The following BABAM2 variants were observed in gnomAD, a reference collection of about 807,000 sequenced individuals.
The protein encoded by BABAM2 is BRISC and BRCA1 A complex member 2, also known as BRISC and BRCA1-A complex member 2.
A neutral mutation model predicts 54.7 loss-of-function variants in BABAM2; 31 were observed. The observed-to-expected ratio is 0.57, with a 90% CI of 0.43 to 0.77. The LOEUF is 0.77. BABAM2 is among the 30% of genes least tolerant of loss of function. The probability of loss-of-function intolerance (pLI) is 0.00; values close to 1 mark genes in which losing one functional copy is unlikely to be tolerated. For synonymous variants in BABAM2, 167 were observed against 162.9 expected, an observed-to-expected ratio of 1.03 and a Z score of -0.19; for missense variants, 364 against 455.8, an observed-to-expected ratio of 0.80 and a Z score of 1.83.
chr2:28,112,146 T>TTTCTTTCCCTCC (rs1344247281), intron 6 of BABAM2, among the ~76,000 whole-genome samples: 1 of 10,558 alleles, frequency 9.5e-5, no homozygotes, highest in African/African-American at 6.1e-4. Flanking sequence ...TCTTTCTTTC[T>TTTCTTTCCCTCC]TTACCTCCCT....
intron 6 of BABAM2, among the ~76,000 whole-genome samples, chr2:28,072,029 G>A (rs1447004129): frequency 6.6e-6 from 1 of 152,090 alleles, no homozygotes; most frequent in Non-Finnish European, 1.5e-5. Flanking sequence ...GATTCTGTTT[G>A]TTTTGTTTTG....
intron 3 of BABAM2, 105 bp from the exon 4 acceptor site, chr2:27,987,888 C>G: frequency 2.4e-6 from 2 of 848,014 alleles, no homozygotes. Context: ...AAATGGTTTT[C>G]TTAAACTAAT....
At chr2:28,045,202 T>G (rs943035805) in intron 5 of BABAM2, among the ~76,000 whole-genome samples, 1 of 152,176 alleles carries the variant, frequency 6.6e-6, no homozygotes, top group Non-Finnish European at 1.5e-5. Flanking sequence ...TTAATGATAA[T>G]GATATAGTGG....
At chr2:27,971,438 T>C (rs974566487) in intron 3 of BABAM2, among the ~76,000 whole-genome samples, 37 of 152,144 alleles carry the variant, frequency 2.4e-4, no homozygotes, top group Non-Finnish European at 2.9e-5. Flanking sequence ...TACTGTTTTT[T>C]TCCTATTGCT....
intron 3 of BABAM2, among the ~76,000 whole-genome samples, chr2:27,930,813 C>G (rs1668038598): frequency 6.6e-6 from 1 of 152,214 alleles, no homozygotes; most frequent in Non-Finnish European, 1.5e-5. Flanking sequence ...GTGTGGAAAT[C>G]ACAGTGGCTT....
intron 11 of BABAM2, among the ~76,000 whole-genome samples, chr2:28,318,307 T>C (rs544398545): frequency 2.0e-4 from 30 of 152,220 alleles, no homozygotes; most frequent in Non-Finnish European, 3.5e-4. Flanking sequence ...GCTGCCTGTT[T>C]TTATAAATAA....
intron 11 of BABAM2, among the ~76,000 whole-genome samples, chr2:28,316,433 T>TG: frequency 2.0e-4 from 1 of 4,970 alleles, no homozygotes; most frequent in East Asian, 8.8e-3. Flanking sequence ...GGGGTGGGGG[T>TG]GGGGGTGGGA....
intron 10 of BABAM2, among the ~76,000 whole-genome samples, chr2:28,259,970 G>A (rs548511659): frequency 3.3e-5 from 5 of 151,128 alleles, no homozygotes; most frequent in Non-Finnish European, 5.9e-5. Context: ...GCACGATCTC[G>A]GCTCACTGCA....
intron 7 of BABAM2, among the ~76,000 whole-genome samples, chr2:28,129,896 C>T (rs1026739604): frequency 6.6e-5 from 10 of 152,204 alleles, no homozygotes; most frequent in Non-Finnish European, 1.3e-4. Context: ...TAATTTTACA[C>T]AACATTCAGG....
intron 6 of BABAM2, among the ~76,000 whole-genome samples, chr2:28,119,133 G>A (rs1004535901): frequency 6.6e-6 from 1 of 152,192 alleles, no homozygotes; most frequent in African/African-American, 2.4e-5. Context: ...TAGCCTTGTA[G>A]TATAGGTTGG....
intron 10 of BABAM2, among the ~76,000 whole-genome samples, chr2:28,264,946 C>A (rs1429144964): frequency 1.3e-5 from 2 of 152,174 alleles, no homozygotes; most frequent in African/African-American, 4.8e-5. Flanking sequence ...ATTGTTTTAA[C>A]AACTAGAAAG....
intron 4 of BABAM2, among the ~76,000 whole-genome samples, chr2:27,990,678 T>C (rs539445156): frequency 3.4e-4 from 51 of 152,102 alleles, no homozygotes; most frequent in Non-Finnish European, 2.8e-4. Context: ...TCATGAAAAT[T>C]TTATATTTGA....
At chr2:28,038,288 G>GCC in intron 5 of BABAM2, among the ~76,000 whole-genome samples, 1 of 152,184 alleles carries the variant, frequency 6.6e-6, no homozygotes, top group East Asian at 1.9e-4. Context: ...CAAGTAATGA[G>GCC]CCCCCAACCC....
upstream of BABAM2, chr2:27,890,449 C>T (rs528020619): frequency 5.7e-5 from 64 of 1,127,194 alleles, 1 homozygote; most frequent in African/African-American, 8.6e-4. This position sits in a 1 kb window ranked among gnomAD's most constrained non-coding sequence, Gnocchi z 4.8. Flanking sequence ...GCGGGCCTTT[C>T]AGACGCCTAC....
intron 7 of BABAM2, among the ~76,000 whole-genome samples, chr2:28,214,518 A>G (rs1679759595): frequency 6.6e-6 from 1 of 152,104 alleles, no homozygotes; most frequent in African/African-American, 2.4e-5. Flanking sequence ...CTTTGTAGAC[A>G]ATCATGTCTT....
intron 5 of BABAM2, among the ~76,000 whole-genome samples, chr2:28,043,804 C>T (rs2148607520): frequency 6.6e-6 from 1 of 152,284 alleles, no homozygotes; most frequent in Admixed American, 6.5e-5. Flanking sequence ...TTCTCCCACC[C>T]ACCATGATGA....
At chr2:27,912,186 T>C (rs1439477871) in intron 2 of BABAM2, among the ~76,000 whole-genome samples, 1 of 152,094 alleles carries the variant, frequency 6.6e-6, no homozygotes, top group African/African-American at 2.4e-5. Context: ...ATTAAACACA[T>C]ATAGTTATTT....
At chr2:28,230,881 G>T (rs539365110) in intron 7 of BABAM2, among the ~76,000 whole-genome samples, 1 of 152,246 alleles carries the variant, frequency 6.6e-6, no homozygotes, top group African/African-American at 2.4e-5. Flanking sequence ...TAAAAAGTGA[G>T]ATGACAAGGT....
At chr2:28,270,357 G>T (rs1685320476) in intron 10 of BABAM2, among the ~76,000 whole-genome samples, 1 of 152,174 alleles carries the variant, frequency 6.6e-6, no homozygotes, top group South Asian at 2.1e-4. Context: ...CTGGCTTCAA[G>T]CATTCATCCT....
Sources: gnomAD v4.1 joint callset for allele counts (sites outside exome capture counted in the v4.1 genomes callset) on GRCh38, gnomAD v4.1.1 for gene constraint, Gnocchi (gnomAD v3.1) non-coding constraint, MANE v1.5 for transcripts, NCBI Gene and HGNC (gene_info 2026-07-23, HGNC 2026-07-21) for gene names.